The following HOXC4 variants were observed in gnomAD, a reference collection of about 807,000 sequenced individuals.
HOXC4 encodes the protein homeobox C4.
A neutral mutation model predicts 25.5 loss-of-function variants in HOXC4; 15 were observed. That is an observed-to-expected ratio of 0.59 (90% CI 0.39 to 0.91). The LOEUF (loss-of-function observed/expected upper bound fraction) is 0.91, where lower values mean the gene tolerates loss of function less well. HOXC4 is among the 40% of genes least tolerant of loss of function. The probability of loss-of-function intolerance (pLI) is 0.00; values close to 1 mark genes in which losing one functional copy is unlikely to be tolerated. For missense variants in HOXC4, 342 were observed against 352.4 expected, an observed-to-expected ratio of 0.97 and a Z score of 0.24; for synonymous variants, 165 against 148.0, an observed-to-expected ratio of 1.11 and a Z score of -0.83.
At position 54,036,493 on chromosome 12, in the gene HOXC4, G is replaced by A. The variant is rs2136452796; in HGVS notation, c.-123-16667G>A. On this transcript the variant is annotated intron_variant, in intron 1 of 3. Coordinates refer to the HOXC4 transcript ENST00000303406. ...ATCCCACTGCCTAAGCTACCCATCA[G>A]TCATTTTTTAAAAGACCCAAGAGCC... Among the ~76,000 whole-genome samples the A allele has an allele frequency of 3.9e-5, 6 of 152,300 alleles. 1 individual carries two copies. In the Middle Eastern group the frequency reaches 0.014, roughly 345 times the overall value.
In HOXC4 at chr12:54,055,046, G is replaced by A. The variant is rs1592250775; in HGVS notation, c.636G>A (p.Lys212=). The A allele has an allele frequency of 6.2e-7, 1 of 1,613,756 alleles. No individual in the cohort carries two copies. Among genetic ancestry groups the A allele is most frequent in the South Asian group, 1.1e-5 (1 of 91,042 alleles). Residue 212 remains lysine, a synonymous_variant, in exon 2 of 2, where the codon AAG becomes AAA. Coordinates refer to ENST00000430889, the MANE Select transcript of HOXC4 (RefSeq NM_153633.3). ...TCCAAAACCGTCGCATGAAATGGAA[G>A]AAGGACCACCGACTCCCCAACACCA... The part of the protein sequence containing the change: ...IWFQNRRMKW[K]KDHRLPNTKV...
intron 1 of HOXC4, among the ~76,000 whole-genome samples, chr12:54,046,331 A>G (rs1937703107): frequency 6.6e-6 from 1 of 152,132 alleles, no homozygotes; most frequent in Non-Finnish European, 1.5e-5. Flanking sequence ...TGATTGCTAC[A>G]GATGCCAACG....
intron 1 of HOXC4, among the ~76,000 whole-genome samples, chr12:54,040,293 A>G (rs1941249754): frequency 6.6e-6 from 1 of 152,142 alleles, no homozygotes; most frequent in Non-Finnish European, 1.5e-5. Flanking sequence ...AAATGCACTA[A>G]GCAGGGTCAC....
upstream of HOXC4, chr12:54,053,732 A>C: frequency 1.0e-5 from 4 of 387,726 alleles, no homozygotes; most frequent in Non-Finnish European, 1.9e-5. Flanking sequence ...CCACCACCAC[A>C]CACACAAAAA....
intron 1 of HOXC4, among the ~76,000 whole-genome samples, chr12:54,042,366 A>G (rs769565800): frequency 1.3e-5 from 2 of 152,210 alleles, no homozygotes; most frequent in Non-Finnish European, 2.9e-5. Flanking sequence ...ACCAACTCTC[A>G]CCCTCAATGT....
chr12:54,019,136 T>G (rs1224195362), intron 1 of HOXC4, among the ~76,000 whole-genome samples: 2 of 146,818 alleles, frequency 1.4e-5, no homozygotes, highest in Admixed American at 6.8e-5. Flanking sequence ...TCTGAGGTAT[T>G]CTCCCGCGGG....
upstream of HOXC4, chr12:54,053,467 A>G (rs1453232137): frequency 1.8e-5 from 3 of 166,740 alleles, no homozygotes; most frequent in Non-Finnish European, 3.9e-5. Context: ...CACGATCGCC[A>G]TGAATGGAGA....
chr12:54,024,151 C>T (rs557595078), intron 1 of HOXC4, among the ~76,000 whole-genome samples: 8 of 152,302 alleles, frequency 5.3e-5, no homozygotes, highest in East Asian at 1.9e-4. Flanking sequence ...CGGCTTTCTC[C>T]GTAAGAGGGA....
At chr12:54,028,393 G>T in intron 1 of HOXC4, 6 of 1,038,198 alleles carry the variant, frequency 5.8e-6, no homozygotes, top group Non-Finnish European at 6.9e-6. Context: ...CTGGGAGGGG[G>T]TCAGCTGACT....
chr12:54,039,237 C>G (rs1941233221), intron 1 of HOXC4, among the ~76,000 whole-genome samples: 1 of 151,758 alleles, frequency 6.6e-6, no homozygotes, highest in African/African-American at 2.4e-5. Context: ...GCAGCGGTGT[C>G]TGGGCATCTG....
intron 1 of HOXC4, among the ~76,000 whole-genome samples, chr12:54,045,338 C>T (rs1294324775): frequency 6.6e-6 from 1 of 152,190 alleles, no homozygotes; most frequent in Non-Finnish European, 1.5e-5. Context: ...CGGTCAAATT[C>T]CTGTGTGCAC....
chr12:54,035,988 T>C (rs1157598453), intron 1 of HOXC4, among the ~76,000 whole-genome samples: 1 of 152,154 alleles, frequency 6.6e-6, no homozygotes, highest in African/African-American at 2.4e-5. Flanking sequence ...TTCCACCACC[T>C]TCTAGGGCCT....
rs113651547 is a variant in HOXC4, at chr12:54,055,342, C to T, written c.*137C>T. 242 of 254,648 alleles carry T rather than the reference C, an allele frequency of 9.5e-4. 2 individuals carry two copies. The highest frequency in any genetic ancestry group is 4.9e-3 in the African/African-American group (212 of 43,152). 15.8% of individuals were successfully genotyped at this position (254,648 alleles called of 1,614,324 possible). ...CTTTTCTCTCTTCCTCTCACCTTGT[C>T]CCTTGTCAGTTCCAAACAGACAAAA... On this transcript the variant is annotated 3_prime_UTR_variant, in exon 2 of 2. Transcript: ENST00000430889.
At chr12:54,030,832 A>G (rs1200512909) in intron 1 of HOXC4, 1 of 152,260 alleles carries the variant, frequency 6.6e-6, no homozygotes, top group Non-Finnish European at 1.5e-5. Flanking sequence ...TATACCGGGA[A>G]TTCTGTTAAT....
chr12:54,039,348 G>A (rs920337977), intron 1 of HOXC4, among the ~76,000 whole-genome samples: 11 of 152,140 alleles, frequency 7.2e-5, no homozygotes, highest in Non-Finnish European at 1.5e-4. Flanking sequence ...GGCAGACTCT[G>A]GGAGAAGGAA....
At chr12:54,034,761 G>A (rs1941137995) in intron 1 of HOXC4, 2 of 463,934 alleles carry the variant, frequency 4.3e-6, no homozygotes, top group Non-Finnish European at 8.0e-6. Context: ...GACTTCCCCG[G>A]AGGGCTGCGG....
rs1592231212 is a variant in HOXC4, at chr12:54,028,406, G to A, written c.-124+10992G>A. On this transcript the variant is annotated intron_variant, in intron 1 of 3. Coordinates refer to the HOXC4 transcript ENST00000303406. Reference sequence around the variant, plus strand: ...GGCTGGGAGGGGGTCAGCTGACTTTGTCATTTTGTCTGTCCTGGATTGGAG... The same window carrying A: ...GGCTGGGAGGGGGTCAGCTGACTTTATCATTTTGTCTGTCCTGGATTGGAG... 9 of 1,195,172 alleles carry A rather than the reference G, an allele frequency of 7.5e-6. No homozygotes were observed. The East Asian group carries it at 2.2e-4, about 29-fold the overall frequency. The allele number at this position is 1,195,172 out of a possible 1,614,324, so 74.0% of individuals were successfully genotyped here. A position where few individuals can be genotyped will look rare whatever the true frequency, so the allele number is the denominator to read the frequency against.
intron 1 of HOXC4, chr12:54,029,945 G>T: frequency 6.3e-7 from 1 of 1,585,350 alleles, no homozygotes; most frequent in South Asian, 1.1e-5. Context: ...GACAGAAGAG[G>T]AGAAGCAGAA....
At chr12:54,031,084 G>T (rs1940967646) in intron 1 of HOXC4, among the ~76,000 whole-genome samples, 1 of 152,232 alleles carries the variant, frequency 6.6e-6, no homozygotes, top group South Asian at 2.1e-4. Context: ...GTTGCGGGGG[G>T]AGCTGGGATC....
Sources: allele counts gnomAD v4.1 joint callset (sites outside exome capture counted in the v4.1 genomes callset), GRCh38; gene constraint gnomAD v4.1.1; transcripts MANE v1.5; gene names NCBI Gene and HGNC (gene_info 2026-07-23, HGNC 2026-07-21).